HIVEP1: variants seen among roughly 807,000 people sequenced by gnomAD.
HIVEP1 encodes zinc finger protein 40.
In HIVEP1, 36 loss-of-function variants were observed where a neutral mutation model predicts 180.0. The observed-to-expected ratio is 0.20, with a 90% CI of 0.15 to 0.26. The LOEUF (loss-of-function observed/expected upper bound fraction) is 0.26, where lower values mean the gene tolerates loss of function less well. HIVEP1 is among the 10% of genes least tolerant of loss of function. HIVEP1 has a pLI of 1.00. For synonymous variants in HIVEP1, 1,239 were observed against 1,239.0 expected, an observed-to-expected ratio of 1.00 and a Z score of 0.00; for missense variants, 3,143 against 3,268.7, an observed-to-expected ratio of 0.96 and a Z score of 0.94.
the HIVEP1 span, among the ~76,000 whole-genome samples, chr6:12,196,242 A>G: frequency 6.6e-6 from 1 of 152,248 alleles, no homozygotes; most frequent in Non-Finnish European, 1.5e-5. Context: ...ACGGTTGTAT[A>G]CATCCTCTTC....
chr6:12,051,018 A>ATATATATATATATATATATATG (rs1475506663), intron 2 of HIVEP1, among the ~76,000 whole-genome samples: 2 of 138,404 alleles, frequency 1.4e-5, no homozygotes, highest in Admixed American at 7.2e-5. Flanking sequence ...ATATATATAT[A>ATATATATATATATATATATATG]TATATATATA....
At chr6:12,151,988 TC>T (rs1759733811) in intron 7 of HIVEP1, among the ~76,000 whole-genome samples, 1 of 152,032 alleles carries the variant, frequency 6.6e-6, no homozygotes, top group Non-Finnish European at 1.5e-5. Context: ...AAACCCCATC[TC>T]TACTAAAAAT....
chr6:12,167,613 T>A (rs993974853), downstream of HIVEP1, among the ~76,000 whole-genome samples: 8 of 103,560 alleles, frequency 7.7e-5, no homozygotes, highest in Admixed American at 9.6e-5. Flanking sequence ...CATGTTATAT[T>A]ACATGTATAT....
chr6:12,068,626 C>G (rs1436158681), intron 2 of HIVEP1, among the ~76,000 whole-genome samples: 6 of 152,056 alleles, frequency 3.9e-5, no homozygotes, highest in Non-Finnish European at 8.8e-5. Flanking sequence ...TATATGTGCA[C>G]ACGTATTTGT....
intron 3 of HIVEP1, among the ~76,000 whole-genome samples, chr6:12,102,723 C>T (rs755563908): frequency 3.3e-5 from 5 of 152,124 alleles, no homozygotes; most frequent in Non-Finnish European, 7.4e-5. Context: ...AAAACATCTT[C>T]GTAAATATCA....
chr6:12,015,264 ATTG>A (rs1310189573), intron 1 of HIVEP1, among the ~76,000 whole-genome samples: 3 of 152,204 alleles, frequency 2.0e-5, no homozygotes, highest in South Asian at 2.1e-4. Flanking sequence ...TGTTCCTGGT[ATTG>A]TTGTTTTAAA....
At chr6:12,139,243 C>T (rs2113603067) in intron 7 of HIVEP1, among the ~76,000 whole-genome samples, 1 of 152,298 alleles carries the variant, frequency 6.6e-6, no homozygotes, top group Middle Eastern at 3.4e-3. Flanking sequence ...AACCTTCCTC[C>T]CTCGCGTGCT....
rs1477602944 is a variant in HIVEP1, at chr6:12,158,656, T to TC, written c.6488-2778dup. On this transcript the variant is annotated intron_variant, in intron 7 of 8. Transcript: ENST00000379388. ...GTGACCTTCTCAGTTCTCCTCCCTCTCCCCCAAGTGTTGTGGGAGTTTCTG... is the reference window on the plus strand; with the variant it reads ...GTGACCTTCTCAGTTCTCCTCCCTCTCCCCCCAAGTGTTGTGGGAGTTTCTG... Among the ~76,000 whole-genome samples, 7 of 152,208 alleles carry TC rather than the reference T, an allele frequency of 4.6e-5. No homozygotes were observed. The South Asian group carries it at 8.3e-4, about 18-fold the overall frequency.
intron 3 of HIVEP1, among the ~76,000 whole-genome samples, chr6:12,116,559 T>C (rs1321244138): frequency 6.6e-6 from 1 of 151,572 alleles, no homozygotes; most frequent in African/African-American, 2.4e-5. Context: ...AAAAAAAAAG[T>C]CCTTGAATTT....
chr6:12,076,045 A>G (rs139957941), intron 2 of HIVEP1, among the ~76,000 whole-genome samples: 2 of 152,198 alleles, frequency 1.3e-5, no homozygotes, highest in Non-Finnish European at 1.5e-5. Context: ...ACCCTTTCCA[A>G]TTCTCTTCTT....
At chr6:12,139,533 A>G (rs1196558093) in intron 7 of HIVEP1, among the ~76,000 whole-genome samples, 1 of 152,240 alleles carries the variant, frequency 6.6e-6, no homozygotes, top group Non-Finnish European at 1.5e-5. Context: ...AGGGCAAGGC[A>G]TCGCCTCACC....
intron 2 of HIVEP1, among the ~76,000 whole-genome samples, chr6:12,033,328 G>GTGTA (rs1480459928): frequency 2.0e-5 from 3 of 151,818 alleles, no homozygotes; most frequent in African/African-American, 7.3e-5. Context: ...GAGCATGTGT[G>GTGTA]TGTGTGTGTG....
rs572808471 is a variant in HIVEP1, at chr6:12,107,390, G to C, written c.95-12500G>C. ...TTTATCCAGTCATAATCTTTTTGCTGGTAGAGGGTCTTGCCTCGATGCAGA... is the reference window on the plus strand; with the variant it reads ...TTTATCCAGTCATAATCTTTTTGCTCGTAGAGGGTCTTGCCTCGATGCAGA... On this transcript the variant is annotated intron_variant, in intron 3 of 8. Transcript: ENST00000379388. Among the ~76,000 whole-genome samples the C allele has an allele frequency of 5.1e-4, 77 of 152,320 alleles. 1 individual carries two copies. The highest frequency in any genetic ancestry group is 6.8e-3 in the Middle Eastern group (2 of 294).
At chr6:12,037,922 C>T in intron 2 of HIVEP1, 1 of 390,450 alleles carries the variant, frequency 2.6e-6, no homozygotes, top group Non-Finnish European at 4.5e-6. Flanking sequence ...ACTTTGTTGC[C>T]CAGACTGGTC....
intron 2 of HIVEP1, among the ~76,000 whole-genome samples, chr6:12,082,313 T>C (rs139832044): frequency 6.6e-6 from 1 of 152,232 alleles, no homozygotes; most frequent in Non-Finnish European, 1.5e-5. Context: ...TTTAACCATT[T>C]CTTAAATATT....
At chr6:12,036,019 A>G (rs758601682) in intron 2 of HIVEP1, among the ~76,000 whole-genome samples, 3 of 152,326 alleles carry the variant, frequency 2.0e-5, no homozygotes, top group Non-Finnish European at 4.4e-5. Flanking sequence ...AATGGAAACA[A>G]TGTGGAGACA....
chr6:12,046,845 CTGTGTGTG>C (rs372934680), intron 2 of HIVEP1, among the ~76,000 whole-genome samples: 9 of 141,106 alleles, frequency 6.4e-5, no homozygotes, highest in Admixed American at 2.8e-4. Flanking sequence ...TGCCACTACA[CTGTGTGTG>C]TGTGTGTGTG....
intron 5 of HIVEP1, among the ~76,000 whole-genome samples, chr6:12,130,536 T>TA (rs55737220): frequency 1.5e-3 from 214 of 146,474 alleles, no homozygotes; most frequent in Non-Finnish European, 1.5e-3. Context: ...AGACTGTCTC[T>TA]AAAAAAAAAA....
downstream of HIVEP1, among the ~76,000 whole-genome samples, chr6:12,167,640 C>CATATATATATACATGTTAT (rs142661820): frequency 2.1e-5 from 2 of 95,758 alleles, no homozygotes; most frequent in South Asian, 6.2e-4. Context: ...GTTATATATA[C>CATATATATATACATGTTAT]ATATACATAT....
Sources: allele counts gnomAD v4.1 joint callset (sites outside exome capture counted in the v4.1 genomes callset), GRCh38; gene constraint gnomAD v4.1.1; transcripts MANE v1.5; gene names NCBI Gene and HGNC (gene_info 2026-07-23, HGNC 2026-07-21).